FNBP1: variants seen among roughly 807,000 people sequenced by gnomAD.
FNBP1 encodes the protein formin-binding protein 1.
In FNBP1, 26 loss-of-function variants were observed where a neutral mutation model predicts 90.6. The ratio of observed to expected loss-of-function variants is 0.29; its 90% CI spans 0.21 to 0.40. FNBP1 has a LOEUF of 0.40. Ranked by LOEUF, FNBP1 falls within the 10% of genes least tolerant of loss-of-function variation. FNBP1 has a pLI of 1.00. For missense variants in FNBP1, 635 were observed against 768.0 expected (o/e 0.83, Z 2.05); for synonymous variants, 260 against 265.2 (o/e 0.98, Z 0.19).
rs148165735 is a variant in FNBP1 at position 129,963,146 on chromosome 9, T to C, written c.346-4593A>G. On this transcript the variant is annotated intron_variant, in intron 4 of 16. Coordinates refer to ENST00000446176, the MANE Select transcript of FNBP1 (RefSeq NM_015033.3). ...CACCAATTCAGAGCTGTACTCGAGG[T>C]TGACGATCTATCTCTCCAGCACCTC... 3.3e-5 allele frequency among the ~76,000 whole-genome samples: 5 copies of C among 152,250 alleles called. No individual in the cohort carries two copies. In the East Asian group the frequency reaches 7.7e-4, roughly 24 times the overall value.
chr9:129,937,717 G>A (rs1015433673), intron 6 of FNBP1, among the ~76,000 whole-genome samples: 2 of 151,248 alleles, frequency 1.3e-5, no homozygotes, highest in Non-Finnish European at 2.9e-5. Flanking sequence ...TGGTGACAGT[G>A]AGACTCCGTC....
chr9:129,894,918 C>T (rs941402038), intron 16 of FNBP1, among the ~76,000 whole-genome samples: 12 of 152,028 alleles, frequency 7.9e-5, no homozygotes, highest in South Asian at 2.1e-4. Context: ...ATTAGCCAGG[C>T]GTGGTGGTGC....
chr9:129,971,444 G>A (rs1217123890), intron 4 of FNBP1, among the ~76,000 whole-genome samples: 3 of 152,024 alleles, frequency 2.0e-5, no homozygotes, highest in African/African-American at 7.3e-5. Flanking sequence ...AGGCTGGAGT[G>A]CAGTGGTGCG....
chr9:129,973,376 C>T (rs2049790160), intron 4 of FNBP1, among the ~76,000 whole-genome samples: 1 of 152,158 alleles, frequency 6.6e-6, no homozygotes, highest in African/African-American at 2.4e-5. Flanking sequence ...ATCATCCTTA[C>T]AATAAAATAG....
the FNBP1 span, among the ~76,000 whole-genome samples, chr9:130,052,096 T>C: frequency 6.6e-6 from 1 of 152,218 alleles, no homozygotes; most frequent in Non-Finnish European, 1.5e-5. Context: ...TTTTCTAGAA[T>C]TTAAGAAGTA....
chr9:130,024,246 C>T (rs898568367), intron 1 of FNBP1, among the ~76,000 whole-genome samples: 2 of 128,460 alleles, frequency 1.6e-5, no homozygotes, highest in Non-Finnish European at 3.5e-5. Flanking sequence ...CCTATCTCTA[C>T]CCCCCCCAAA....
intron 1 of FNBP1, chr9:130,014,004 C>T (rs1389728314): frequency 2.2e-6 from 1 of 456,550 alleles, no homozygotes; most frequent in East Asian, 6.9e-5. Flanking sequence ...TATAGCAACA[C>T]AAAATAGACT....
rs2035003135 is a variant in FNBP1 at position 129,890,581 on chromosome 9, C to G, written c.1847-35G>C. ...AAAGAGAAACAGAAAGAGAAACTCT[C>G]TGTTAGAGAGGAAGGCGCGGGTTCC... On this transcript the variant is annotated intron_variant, in intron 16 of 16. Coordinates refer to ENST00000446176, the MANE Select transcript of FNBP1 (RefSeq NM_015033.3). This position sits in a 1 kb window ranked among gnomAD's most constrained non-coding sequence, Gnocchi z 5.8. The G allele has an allele frequency of 6.6e-7, 1 of 1,516,252 alleles. No individual in the cohort carries two copies. Among genetic ancestry groups the G allele is most frequent in the Non-Finnish European group, 8.9e-7 (1 of 1,123,182 alleles). 93.9% of individuals were successfully genotyped at this position (1,516,252 alleles called of 1,614,324 possible). A position where few individuals can be genotyped will look rare whatever the true frequency, so the allele number is the denominator to read the frequency against.
At chr9:129,902,201 A>G (rs1002966002) in intron 13 of FNBP1, among the ~76,000 whole-genome samples, 1 of 151,868 alleles carries the variant, frequency 6.6e-6, no homozygotes, top group Non-Finnish European at 1.5e-5. Flanking sequence ...ATTTCAGGGG[A>G]TTTTTTTCAT....
In FNBP1 at chr9:129,891,153, T is replaced by TCA. The variant is rs113290032; in HGVS notation, c.1847-608_1847-607insTG. Among the ~76,000 whole-genome samples the TCA allele has an allele frequency of 1.7e-3, 226 of 135,626 alleles. 5 individuals carry two copies. The highest frequency in any genetic ancestry group is 2.5e-3 in the East Asian group (12 of 4,748). 89.0% of individuals were successfully genotyped at this position (135,626 alleles called of 152,430 possible). Reference sequence around the variant, plus strand: ...CTGGACAACAGAGCAAGACTCCGTCTTAAAAAAAAAAAAAAGGAAACGGAG... The same window carrying TCA: ...CTGGACAACAGAGCAAGACTCCGTCTCATAAAAAAAAAAAAAAGGAAACGGAG... On this transcript the variant is annotated intron_variant, in intron 16 of 16. Transcript: ENST00000446176.
At chr9:129,909,508 T>C (rs1328080964) in intron 11 of FNBP1, among the ~76,000 whole-genome samples, 1 of 151,720 alleles carries the variant, frequency 6.6e-6, no homozygotes, top group Non-Finnish European at 1.5e-5. Context: ...CCCTGTAAAG[T>C]GACAGATGGG....
At chr9:130,018,245 T>C (rs1210569880) in intron 1 of FNBP1, among the ~76,000 whole-genome samples, 1 of 151,304 alleles carries the variant, frequency 6.6e-6, no homozygotes, top group Non-Finnish European at 1.5e-5. Flanking sequence ...AAAAAAAAAG[T>C]GTGTTTAAAG....
chr9:129,989,272 A>G (rs1386748251), intron 2 of FNBP1, among the ~76,000 whole-genome samples: 1 of 152,186 alleles, frequency 6.6e-6, no homozygotes, highest in African/African-American at 2.4e-5. Flanking sequence ...TTCTGCTGTG[A>G]AAGGTGAGCA....
At chr9:129,996,281 G>A (rs2053989741) in intron 1 of FNBP1, among the ~76,000 whole-genome samples, 1 of 152,152 alleles carries the variant, frequency 6.6e-6, no homozygotes, top group East Asian at 1.9e-4. Flanking sequence ...CACCAAAGAC[G>A]ACAGCAAGGA....
At chr9:129,915,433 C>T (rs2040109454) in intron 11 of FNBP1, among the ~76,000 whole-genome samples, 1 of 152,138 alleles carries the variant, frequency 6.6e-6, no homozygotes, top group Non-Finnish European at 1.5e-5. Flanking sequence ...GGTATAATCT[C>T]GGCTCACTGC....
intron 1 of FNBP1, among the ~76,000 whole-genome samples, chr9:130,034,172 T>C (rs2059086456): frequency 6.6e-6 from 1 of 151,462 alleles, no homozygotes; most frequent in South Asian, 2.1e-4. Context: ...ATACAAAAAA[T>C]TAGCCGGGCA....
intron 1 of FNBP1, among the ~76,000 whole-genome samples, chr9:129,999,491 G>A (rs1364494574): frequency 6.6e-6 from 1 of 151,968 alleles, no homozygotes; most frequent in African/African-American, 2.4e-5. Context: ...CCAGCTACTC[G>A]GGAGGCTGAG....
At chr9:129,909,140 C>G in intron 11 of FNBP1, 141 bp from the exon 12 acceptor site, 1 of 692,228 alleles carries the variant, frequency 1.4e-6, no homozygotes, top group Non-Finnish European at 2.6e-6. Flanking sequence ...TCCCACTACA[C>G]CCAGCCGAGA....
At chr9:130,037,902 ACTC>A (rs1441123566) in intron 1 of FNBP1, among the ~76,000 whole-genome samples, 2 of 152,154 alleles carry the variant, frequency 1.3e-5, no homozygotes, top group South Asian at 2.1e-4. Context: ...TATTTATTGA[ACTC>A]CTACACAGAG....
Sources: allele counts gnomAD v4.1 joint callset (sites outside exome capture counted in the v4.1 genomes callset), GRCh38; gene constraint gnomAD v4.1.1; non-coding constraint Gnocchi (gnomAD v3.1); transcripts MANE v1.5; gene names NCBI Gene and HGNC (gene_info 2026-07-23, HGNC 2026-07-21).